The following DMRTB1 variants were observed in gnomAD, a reference collection of about 807,000 sequenced individuals.
DMRTB1 encodes the protein DMRT like family B with proline rich C-terminal 1.
In DMRTB1, 9 loss-of-function variants were observed where a neutral mutation model predicts 25.2. That is an observed-to-expected ratio of 0.36 (90% CI 0.22 to 0.62). The LOEUF (loss-of-function observed/expected upper bound fraction) is 0.62. Among genes scored for constraint, DMRTB1 ranks in the 20% least tolerant of loss-of-function variants. DMRTB1 has a pLI of 0.71. For synonymous variants in DMRTB1, 269 were observed against 238.1 expected (o/e 1.13, Z -1.20); for missense variants, 551 against 499.3 (o/e 1.10, Z -0.99).
intron 1 of DMRTB1, 54 bp from the exon 2 acceptor site, chr1:53,461,419 C>A: frequency 2.0e-6 from 3 of 1,504,108 alleles, no homozygotes; most frequent in Non-Finnish European, 2.7e-6. Context: ...GGCCGCCCTG[C>A]GGATGCTTTT....
At chr1:53,464,873 T>G (rs376960740) in intron 3 of DMRTB1, 26 bp downstream of exon 3, 10 of 1,613,074 alleles carry the variant, frequency 6.2e-6, no homozygotes, top group Middle Eastern at 1.6e-4. Flanking sequence ...TCTTCCAGCT[T>G]CAGCGAGAGC....
chr1:53,459,819 GC>G lies in DMRTB1; in HGVS notation c.371del (p.Pro124ArgfsTer52). On this transcript the variant is annotated frameshift_variant, in exon 1 of 4. Transcript: ENST00000371445. LOFTEE classifies it high-confidence loss of function. ...GCGCGGCCGCTTGCTTCTTCGAGCA[GC>G]CCCCGCGGGGCCGGAACCCCGGCCC... ...GRAAACFFEQ[P>X]PRGRNPGPRA... 2 of 1,457,184 alleles carry G rather than the reference GC, an allele frequency of 1.4e-6. No individual in the cohort carries two copies. Among genetic ancestry groups the G allele is most frequent in the East Asian group, 3.1e-5 (1 of 32,670 alleles). 90.3% of individuals were successfully genotyped at this position (1,457,184 alleles called of 1,614,324 possible).
intron 1 of DMRTB1, 40 bp from the exon 2 acceptor site, chr1:53,461,433 A>T: frequency 1.3e-6 from 2 of 1,522,174 alleles, no homozygotes; most frequent in Non-Finnish European, 1.8e-6. Flanking sequence ...TGCTTTTCCC[A>T]GCGGTGTCTA....
intron 3 of DMRTB1, among the ~76,000 whole-genome samples, chr1:53,465,142 T>C (rs1251022421): frequency 6.6e-6 from 1 of 152,210 alleles, no homozygotes; most frequent in Non-Finnish European, 1.5e-5. Flanking sequence ...CCCAGTCTAG[T>C]GCCTGTTCAC....
chr1:53,464,984 T>A, intron 3 of DMRTB1, 137 bp downstream of exon 3: 1 of 1,191,818 alleles, frequency 8.4e-7, no homozygotes, highest in Non-Finnish European at 1.2e-6. Context: ...TAGAATGAGC[T>A]CCTTCTTACA....
chr1:53,459,703 G>A lies in DMRTB1; in HGVS notation c.250G>A (p.Ala84Thr). The A allele has an allele frequency of 6.9e-7, 1 of 1,451,412 alleles. No homozygotes were observed. The highest frequency in any genetic ancestry group is 9.1e-7 in the Non-Finnish European group (1 of 1,104,406). The allele number at this position is 1,451,412 out of a possible 1,614,324, so 89.9% of individuals were successfully genotyped here. The change falls in exon 1 of 4, where the codon GCC becomes ACC. Residue 84 changes from alanine (A) to threonine (T), a missense_variant. Transcript: ENST00000371445. Reference protein sequence around the residue: ...PKQASGAAAAAPAPVPVPAAS... With the variant: ...PKQASGAAAATPAPVPVPAAS... ...GCAGGCCTCCGGGGCTGCGGCCGCC[G>A]CCCCCGCCCCCGTCCCCGTCCCGGC...
chr1:53,459,416 C>A lies in DMRTB1; in HGVS notation c.-38C>A. ...CCAGCGCCACTTGCTCTGCAGCTCC[C>A]AGAGGTGGTGGTTGTGTTACGAAGG... On this transcript the variant is annotated 5_prime_UTR_variant, in exon 1 of 4. Coordinates refer to ENST00000371445, the MANE Select transcript of DMRTB1 (RefSeq NM_033067.3). The A allele has an allele frequency of 1.2e-6, 2 of 1,612,490 alleles. No individual in the cohort carries two copies. The highest frequency in any genetic ancestry group is 2.2e-5 in the South Asian group (2 of 90,944).
chr1:53,461,138 T>C (rs1644019774), intron 1 of DMRTB1, among the ~76,000 whole-genome samples: 1 of 152,122 alleles, frequency 6.6e-6, no homozygotes, highest in Non-Finnish European at 1.5e-5. Context: ...GTCCAGGGCT[T>C]GAGCCATGGC....
At chr1:53,464,997 C>G in intron 3 of DMRTB1, 150 bp downstream of exon 3, 1 of 1,074,706 alleles carries the variant, frequency 9.3e-7, no homozygotes, top group Non-Finnish European at 1.4e-6. Flanking sequence ...TTCTTACACC[C>G]TTCCTCCAGT....
At chr1:53,462,970 G>A (rs577433841) in intron 2 of DMRTB1, among the ~76,000 whole-genome samples, 35 of 152,366 alleles carry the variant, frequency 2.3e-4, no homozygotes, top group African/African-American at 7.7e-4. Context: ...GGAGCCTGGC[G>A]TCCAGGGCAG....
At position 53,464,723 on chromosome 1, in the gene DMRTB1, G is replaced by A. The variant is rs112444758; in HGVS notation, c.837G>A (p.Pro279=). 90 of 1,613,094 alleles carry A rather than the reference G, an allele frequency of 5.6e-5. 3 individuals are homozygous for A. Among genetic ancestry groups the A allele is most frequent in the African/African-American group, 5.5e-4 (41 of 74,904 alleles). The change falls in exon 3 of 4, where the codon CCG becomes CCA. Residue 279 remains proline (P), a synonymous_variant. Coordinates refer to ENST00000371445, the MANE Select transcript of DMRTB1 (RefSeq NM_033067.3). ...PPLPPLPPLP[P]QPQFLPPGYL... The stretch of plus-strand genomic sequence containing the variant: ...TGCCGCCCCTTCCACCGCTTCCACC[G>A]CAGCCCCAGTTCCTCCCGCCAGGCT...
chr1:53,466,903 G>T lies in DMRTB1; in HGVS notation c.*241G>T. ...GGAGGGCCAGGGCTCTGAGGAGTGG[G>T]CGCTGGGAGAAGCTCCCATTTAGGA... is the stretch of plus-strand genomic sequence containing the variant. On this transcript the variant is annotated 3_prime_UTR_variant, in exon 4 of 4. Coordinates refer to ENST00000371445, the MANE Select transcript of DMRTB1 (RefSeq NM_033067.3). 1 of 523,620 alleles carries T rather than the reference G, an allele frequency of 1.9e-6. No individual in the cohort carries two copies. Among genetic ancestry groups the T allele is most frequent in the Non-Finnish European group, 3.3e-6 (1 of 298,632 alleles). The allele number at this position is 523,620 out of a possible 1,614,324, so 32.4% of individuals were successfully genotyped here.
Position 53,466,879 on chromosome 1 carries a change from G to A in DMRTB1, c.*217G>A. The A allele has an allele frequency of 3.5e-6, 2 of 572,088 alleles. No individual in the cohort carries two copies. The highest frequency in any genetic ancestry group is 6.1e-6 in the Non-Finnish European group (2 of 326,484). The allele number at this position is 572,088 out of a possible 1,614,324, so 35.4% of individuals were successfully genotyped here. A position where few individuals can be genotyped will look rare whatever the true frequency, so the allele number is the denominator to read the frequency against. On this transcript the variant is annotated 3_prime_UTR_variant, in exon 4 of 4. Coordinates refer to ENST00000371445, the MANE Select transcript of DMRTB1 (RefSeq NM_033067.3). ...AGTGTGGAGGAAGCTATTACCAGGG[G>A]AGGGCCAGGGCTCTGAGGAGTGGGC...
chr1:53,461,078 C>G (rs75106367), intron 1 of DMRTB1, among the ~76,000 whole-genome samples: 3,065 of 152,308 alleles, frequency 0.02, 61 homozygotes, highest in African/African-American at 0.05. Context: ...CCTCAAGGAC[C>G]TTGTCCTTGT....
At position 53,459,884 on chromosome 1, in the gene DMRTB1, T is replaced by G. The variant is rs781684187; in HGVS notation, c.431T>G (p.Val144Gly). The change falls in exon 1 of 4, where the codon GTG becomes GGG. Residue 144 changes from valine to glycine, a missense_variant. Coordinates refer to ENST00000371445, the MANE Select transcript of DMRTB1 (RefSeq NM_033067.3). ...CCGGTTCTGGGCGGCCGCAGCCACG[T>G]GGAGCCGAGCGAGCGAGCCGCCGTG... is the stretch of plus-strand genomic sequence containing the variant. The part of the protein sequence containing the change: ...LQPVLGGRSH[V>G]EPSERAAVAM... 1 of 1,520,892 alleles carries G rather than the reference T, an allele frequency of 6.6e-7. No homozygotes were observed. The highest frequency in any genetic ancestry group is 8.7e-7 in the Non-Finnish European group (1 of 1,143,564). 94.2% of individuals were successfully genotyped at this position (1,520,892 alleles called of 1,614,324 possible).
intron 1 of DMRTB1, 150 bp from the exon 2 acceptor site, chr1:53,461,323 T>C: frequency 1.3e-6 from 1 of 770,328 alleles, no homozygotes; most frequent in South Asian, 2.6e-5. Context: ...GGCTGGAGGA[T>C]GGAGATGCAG....
intron 1 of DMRTB1, among the ~76,000 whole-genome samples, chr1:53,461,153 T>A (rs908627627): frequency 6.6e-6 from 1 of 151,852 alleles, no homozygotes; most frequent in Non-Finnish European, 1.5e-5. Context: ...CATGGCCGGG[T>A]TCACTGTGAC....
chr1:53,466,832 C>T lies in DMRTB1; in HGVS notation c.*170C>T. 1 of 677,300 alleles carries T rather than the reference C, an allele frequency of 1.5e-6. No homozygotes were observed. Among genetic ancestry groups the T allele is most frequent in the African/African-American group, 1.8e-5 (1 of 55,764 alleles). The allele number at this position is 677,300 out of a possible 1,614,324, so 42.0% of individuals were successfully genotyped here. Reference sequence around the variant, plus strand: ...GGAGAGCAATTTCTAAGTTTCAATCCTGCGCTGTACAGTTGAAGAAGAGTG... The same window carrying T: ...GGAGAGCAATTTCTAAGTTTCAATCTTGCGCTGTACAGTTGAAGAAGAGTG... On this transcript the variant is annotated 3_prime_UTR_variant, in exon 4 of 4. Coordinates refer to ENST00000371445, the MANE Select transcript of DMRTB1 (RefSeq NM_033067.3).
chr1:53,464,660 C>G lies in DMRTB1; in HGVS notation c.774C>G (p.Phe258Leu), dbSNP rs1373667966. The G allele has an allele frequency of 1.2e-6, 2 of 1,613,646 alleles. No homozygotes were observed. Among genetic ancestry groups the G allele is most frequent in the Non-Finnish European group, 1.7e-6 (2 of 1,180,032 alleles). ...AGGTGTCAGAACCAGGAGGAGACTT[C>G]CAGCCAAGCTACTACCTGCCGCCGC... The part of the protein sequence containing the change: ...GGLVSEPGGD[F>L]QPSYYLPPPP... The change falls in exon 3 of 4, where the codon TTC (phenylalanine) becomes TTG (leucine). Residue 258 changes from phenylalanine to leucine, a missense_variant. Coordinates refer to ENST00000371445, the MANE Select transcript of DMRTB1 (RefSeq NM_033067.3).
Sources: gnomAD v4.1 joint callset for allele counts (sites outside exome capture counted in the v4.1 genomes callset) on GRCh38, gnomAD v4.1.1 for gene constraint, MANE v1.5 for transcripts, NCBI Gene and HGNC (gene_info 2026-07-23, HGNC 2026-07-21) for gene names.